SLA2: variants seen among roughly 807,000 people sequenced by gnomAD.
The protein encoded by SLA2 is Src like adaptor 2, also known as src-like-adapter 2.
Under a neutral mutation model 27.3 loss-of-function variants are expected in SLA2, and 22 were observed. The ratio of observed to expected loss-of-function variants is 0.81; its 90% confidence interval spans 0.58 to 1.15. The LOEUF (loss-of-function observed/expected upper bound fraction) is 1.15. Among genes scored for constraint, SLA2 ranks in the 50% most tolerant of loss-of-function variants. The probability of loss-of-function intolerance (pLI) is 0.00; values close to 1 mark genes in which losing one functional copy is unlikely to be tolerated. For missense variants in SLA2, 304 were observed against 322.2 expected (o/e 0.94, Z 0.43); for synonymous variants, 131 against 137.8 (o/e 0.95, Z 0.34).
At chr20:36,622,210 CAAA>C (rs549536610) in intron 5 of SLA2, among the ~76,000 whole-genome samples, 4 of 100,966 alleles carry the variant, frequency 4.0e-5, no homozygotes, top group African/African-American at 3.8e-5. Context: ...GACTTGATCT[CAAA>C]AAAAAAAAAA....
chr20:36,612,424 A>T lies in SLA2; in HGVS notation c.*1442T>A. ...CGGGTGTAGAGTTTTTAAACTATCA[A>T]TGGCATTTCAAGTCTTCTGAAACAG... is the stretch of plus-strand genomic sequence containing the variant. On this transcript the variant is annotated 3_prime_UTR_variant, in exon 8 of 8. Transcript: ENST00000262866. 2 of 610,486 alleles carry T rather than the reference A, an allele frequency of 3.3e-6. No individual in the cohort carries two copies. Among genetic ancestry groups the T allele is most frequent in the Non-Finnish European group, 5.8e-6 (2 of 347,616 alleles). The allele number at this position is 610,486 out of a possible 1,614,324, so 37.8% of individuals were successfully genotyped here. A position where few individuals can be genotyped will look rare whatever the true frequency, so the allele number is the denominator to read the frequency against.
chr20:36,622,472 T>C (rs1185013813), intron 5 of SLA2, among the ~76,000 whole-genome samples: 1 of 148,034 alleles, frequency 6.8e-6, no homozygotes, highest in Non-Finnish European at 1.5e-5. Context: ...AAACGATGAA[T>C]AGAATATGTT....
intron 5 of SLA2, chr20:36,621,070 G>C: frequency 2.8e-6 from 1 of 361,764 alleles, no homozygotes; most frequent in Non-Finnish European, 5.5e-6. Flanking sequence ...TGGTGGAGAT[G>C]GTGGCAGCAG....
At chr20:36,624,383 T>G (rs934595690) in intron 5 of SLA2, among the ~76,000 whole-genome samples, 2 of 152,184 alleles carry the variant, frequency 1.3e-5, no homozygotes, top group Non-Finnish European at 2.9e-5. Context: ...AGGCCTGTAC[T>G]CACACTCACA....
At chr20:36,629,015 T>C (rs2039366653) in intron 5 of SLA2, among the ~76,000 whole-genome samples, 1 of 152,080 alleles carries the variant, frequency 6.6e-6, no homozygotes. Flanking sequence ...CCATCTCCTT[T>C]TGGAATTGAC....
chr20:36,634,570 G>C lies in SLA2; in HGVS notation c.111C>G (p.Ala37=), dbSNP rs149177567. 1 of 1,607,312 alleles carries C rather than the reference G, an allele frequency of 6.2e-7. No individual in the cohort carries two copies. The highest frequency in any genetic ancestry group is 1.7e-5 in the Admixed American group (1 of 59,194). Residue 37 remains alanine, a synonymous_variant, in exon 3 of 8, where the codon GCC becomes GCG. Transcript: ENST00000262866. ...CTGCCGGGAAACTGCCCAGGGCCAC[G>C]GCTGTGGCCTTGCTTCTCTCTAGAT... is the stretch of plus-strand genomic sequence containing the variant. ...TMEAERSKAT[A]VALGSFPAGG... is the part of the protein sequence containing the mutation.
At chr20:36,614,242 C>T (rs2039178363) in intron 7 of SLA2, 63 bp downstream of exon 7, 1 of 1,613,152 alleles carries the variant, frequency 6.2e-7, no homozygotes, top group Non-Finnish European at 8.5e-7. Context: ...TTGTGGCTTC[C>T]CAGGGGTGGG....
At chr20:36,623,868 C>T (rs534399294) in intron 5 of SLA2, among the ~76,000 whole-genome samples, 1 of 152,012 alleles carries the variant, frequency 6.6e-6, no homozygotes, top group African/African-American at 2.4e-5. Flanking sequence ...GCTGGGAATG[C>T]GCTAAATATT....
At chr20:36,636,959 C>G (rs531181600) in intron 2 of SLA2, among the ~76,000 whole-genome samples, 8 of 151,572 alleles carry the variant, frequency 5.3e-5, no homozygotes, top group South Asian at 2.1e-4. Flanking sequence ...CCCCACCCCC[C>G]CCAAAAAAAG....
intron 5 of SLA2, among the ~76,000 whole-genome samples, chr20:36,624,364 G>A (rs1289484218): frequency 6.6e-6 from 1 of 152,088 alleles, no homozygotes; most frequent in Non-Finnish European, 1.5e-5. Context: ...CTGAGGACGC[G>A]CCTCCCTGAG....
chr20:36,633,586 C>G lies in SLA2; in HGVS notation c.235G>C (p.Glu79Gln). The stretch of plus-strand genomic sequence containing the variant: ...ACGTGGACGCTGGGGATGTTATACT[C>G]TCTGCCTGAGACTTCAGACAGCACC... ...WTVLSEVSGR[E>Q]YNIPSVHVAK... Residue 79 changes from glutamate (E) to glutamine (Q), a missense_variant, in exon 4 of 8, where the codon GAG becomes CAG. Physicochemically the swap from Glu to Gln is conservative, Grantham distance 29. Coordinates refer to ENST00000262866, the MANE Select transcript of SLA2 (RefSeq NM_032214.4). The G allele has an allele frequency of 6.2e-7, 1 of 1,614,128 alleles. No homozygotes were observed. Among genetic ancestry groups the G allele is most frequent in the Non-Finnish European group, 8.5e-7 (1 of 1,180,010 alleles).
chr20:36,634,139 C>A (rs1421313234), intron 3 of SLA2, among the ~76,000 whole-genome samples: 1 of 151,972 alleles, frequency 6.6e-6, no homozygotes, highest in Non-Finnish European at 1.5e-5. Flanking sequence ...AGGCGTCTGC[C>A]ACCAAGCCCG....
chr20:36,616,290 T>C (rs1305770498), intron 5 of SLA2, among the ~76,000 whole-genome samples: 1 of 152,072 alleles, frequency 6.6e-6, no homozygotes, highest in Non-Finnish European at 1.5e-5. Flanking sequence ...TCACCAGCTT[T>C]GCATGTTTCA....
At chr20:36,626,679 C>T (rs1022728469) in intron 5 of SLA2, among the ~76,000 whole-genome samples, 10 of 151,090 alleles carry the variant, frequency 6.6e-5, no homozygotes, top group Non-Finnish European at 1.3e-4. Context: ...AACCCCATCT[C>T]TACTAATACA....
chr20:36,614,183 T>G (rs888075191), intron 7 of SLA2, 122 bp downstream of exon 7: 3 of 1,540,110 alleles, frequency 1.9e-6, no homozygotes, highest in Non-Finnish European at 2.7e-6. Context: ...GTCAGTGCAC[T>G]CTGGCTCCAG....
intron 5 of SLA2, among the ~76,000 whole-genome samples, chr20:36,626,502 T>C (rs549762242): frequency 6.6e-6 from 1 of 151,302 alleles, no homozygotes; most frequent in South Asian, 2.1e-4. Flanking sequence ...AGGTGGAGGT[T>C]GCAGTGAGCC....
At chr20:36,624,144 A>G (rs1374984712) in intron 5 of SLA2, among the ~76,000 whole-genome samples, 2 of 152,060 alleles carry the variant, frequency 1.3e-5, no homozygotes, top group African/African-American at 4.8e-5. Flanking sequence ...CTAAGATCCA[A>G]CCACTTCTCA....
At position 36,614,424 on chromosome 20, in the gene SLA2, G is replaced by A. The variant is rs774534153; in HGVS notation, c.546C>T (p.Asp182=). ...LVDHYSELAD[D]ICCLLKEPCV... is the part of the protein sequence containing the mutation. ...AGGGCTCCTTGAGTAGGCAGCAGAT[G>A]TCATCCGCCAGCTCTGAGGAAGAGA... The change falls in exon 7 of 8, where the codon GAC becomes GAT. Residue 182 remains aspartate (D), a synonymous_variant. Coordinates refer to ENST00000262866, the MANE Select transcript of SLA2 (RefSeq NM_032214.4). 2 of 1,610,124 alleles carry A rather than the reference G, an allele frequency of 1.2e-6. No homozygotes were observed.
chr20:36,645,138 G>A (rs139191311), intron 1 of SLA2, among the ~76,000 whole-genome samples: 1,919 of 151,698 alleles, frequency 0.013, 37 homozygotes, highest in African/African-American at 0.043. Flanking sequence ...CCAGGAGTTC[G>A]AGACCAGCCT....
Sources: gnomAD v4.1 joint callset for allele counts (sites outside exome capture counted in the v4.1 genomes callset) on GRCh38, gnomAD v4.1.1 for gene constraint, MANE v1.5 for transcripts, NCBI Gene and HGNC (gene_info 2026-07-23, HGNC 2026-07-21) for gene names.